Variants in ARHGEF10 observed in about 807,000 individuals in gnomAD.
ARHGEF10 encodes the protein Rho guanine nucleotide exchange factor (GEF) 10.
A neutral mutation model predicts 147.4 loss-of-function variants in ARHGEF10; 140 were observed. The ratio of observed to expected loss-of-function variants is 0.95; its 90% CI spans 0.83 to 1.09. The LOEUF is 1.09. ARHGEF10 is among the 50% of genes least tolerant of loss of function. ARHGEF10 has a pLI of 0.00. For missense variants in ARHGEF10, 2,222 were observed against 1,752.7 expected (o/e 1.27, Z -4.78); for synonymous variants, 902 against 695.8 (o/e 1.30, Z -4.67).
chr8:1,839,694 C>A (rs1416337123), intron 1 of ARHGEF10, among the ~76,000 whole-genome samples: 1 of 135,524 alleles, frequency 7.4e-6, no homozygotes, highest in Non-Finnish European at 1.6e-5. Context: ...TGGGGACTGT[C>A]CGGTGTGGGG....
chr8:1,882,701 G>T lies in ARHGEF10; in HGVS notation c.1027G>T (p.Val343Leu), dbSNP rs757297997. The T allele has an allele frequency of 1.9e-6, 3 of 1,556,822 alleles. No homozygotes were observed. The highest frequency in any genetic ancestry group is 2.6e-6 in the Non-Finnish European group (3 of 1,149,542). The change falls in exon 10 of 29, where the codon GTG (valine) becomes TTG (leucine). Residue 343 changes from valine to leucine, a missense_variant. Transcript: ENST00000349830. ...KDGLERTRAA[V>L]KRGRSFIRTK... ...CGGGCTGGAGAGGACCAGGGCAGCCGTGAAGAGGGGCCGCTCCTTCATCAG... is the reference window on the plus strand; with the variant it reads ...CGGGCTGGAGAGGACCAGGGCAGCCTTGAAGAGGGGCCGCTCCTTCATCAG...
chr8:1,899,958 T>A (rs1378933109), intron 15 of ARHGEF10, among the ~76,000 whole-genome samples: 1 of 152,200 alleles, frequency 6.6e-6, no homozygotes, highest in African/African-American at 2.4e-5. Flanking sequence ...CCAGCCCACA[T>A]GCCCTGTGTT....
At chr8:1,920,678 G>T (rs561408768) in intron 18 of ARHGEF10, among the ~76,000 whole-genome samples, 1 of 152,106 alleles carries the variant, frequency 6.6e-6, no homozygotes, top group Non-Finnish European at 1.5e-5. Flanking sequence ...CAAAGTTTGC[G>T]AATGAAAGCA....
At chr8:1,923,390 A>C in intron 19 of ARHGEF10, 78 bp from the exon 20 acceptor site, 1 of 1,591,288 alleles carries the variant, frequency 6.3e-7, no homozygotes, top group South Asian at 1.1e-5. Context: ...TCATATTAAA[A>C]TTGTGTCTTT....
chr8:1,845,659 A>G (rs56084876), intron 2 of ARHGEF10, among the ~76,000 whole-genome samples: 20,751 of 152,112 alleles, frequency 0.14, 1,738 homozygotes, highest in African/African-American at 0.24. Flanking sequence ...TATCTCCAGC[A>G]TTTGCTGACG....
Position 1,885,638 on chromosome 8 carries a change from C to T in ARHGEF10, c.1113C>T (p.Phe371=), listed in dbSNP as rs34655804. 8.4e-3 allele frequency: 13,553 copies of T among 1,613,664 alleles called. 962 individuals are homozygous for T. The African/African-American group carries it at 0.16, about 18-fold the overall frequency. Residue 371 remains phenylalanine, a synonymous_variant, in exon 11 of 29, where the codon TTC becomes TTT. Coordinates refer to ENST00000349830, the MANE Select transcript of ARHGEF10 (RefSeq NM_014629.4). ...CTCTTGAGGAAGAACAGAATTTGTT[C>T]ATTGATGTTGACTGCAAGCACCCGG... ...RSSLEEEQNL[F]IDVDCKHPEA...
chr8:1,854,816 G>A (rs1257951828), intron 2 of ARHGEF10, among the ~76,000 whole-genome samples: 5 of 152,140 alleles, frequency 3.3e-5, no homozygotes, highest in Non-Finnish European at 5.9e-5. Context: ...ACACATTGCC[G>A]CCAACCAGGT....
At chr8:1,830,988 C>T (rs1422375360) in intron 1 of ARHGEF10, among the ~76,000 whole-genome samples, 2 of 152,246 alleles carry the variant, frequency 1.3e-5, no homozygotes, top group Admixed American at 6.5e-5. Context: ...TGTCCAGGAA[C>T]AGCAGGTCGG....
chr8:1,908,465 C>T (rs568551002), intron 17 of ARHGEF10, among the ~76,000 whole-genome samples: 33 of 152,224 alleles, frequency 2.2e-4, no homozygotes, highest in African/African-American at 6.5e-4. Context: ...ATCTCCTGAC[C>T]TTGTGATCTG....
intron 7 of ARHGEF10, among the ~76,000 whole-genome samples, chr8:1,874,605 G>A (rs1397758475): frequency 6.6e-6 from 1 of 152,242 alleles, no homozygotes; most frequent in African/African-American, 2.4e-5. Flanking sequence ...ATACCGGGGT[G>A]TGTAGCGGGT....
Position 1,876,586 on chromosome 8 carries a change from A to T in ARHGEF10, c.695A>T (p.Asp232Val). The T allele has an allele frequency of 1.2e-6, 2 of 1,614,176 alleles. No individual in the cohort carries two copies. The highest frequency in any genetic ancestry group is 2.2e-5 in the South Asian group (2 of 91,084). Residue 232 changes from aspartate (D) to valine (V), a missense_variant, in exon 8 of 29, where the codon GAT (aspartate) becomes GTT (valine). Coordinates refer to ENST00000349830, the MANE Select transcript of ARHGEF10 (RefSeq NM_014629.4). ...SDSEPDEMIY[D>V]DVENGDEGGN... Reference sequence around the variant, plus strand: ...ATGCACTCAGATGAAATGATTTATGATGATGTTGAGAATGGGGATGAAGGT... The same window carrying T: ...ATGCACTCAGATGAAATGATTTATGTTGATGTTGAGAATGGGGATGAAGGT...
At chr8:1,828,947 C>T (rs1273366895) in intron 1 of ARHGEF10, among the ~76,000 whole-genome samples, 2 of 151,982 alleles carry the variant, frequency 1.3e-5, no homozygotes, top group African/African-American at 2.4e-5. Flanking sequence ...GTCTGATTTT[C>T]TGTAAGGAAC....
intron 2 of ARHGEF10, 98 bp from the exon 3 acceptor site, chr8:1,857,862 G>C (rs1805676215): frequency 8.6e-7 from 1 of 1,160,840 alleles, no homozygotes; most frequent in Admixed American, 2.0e-5. Context: ...AGTGTCTCTG[G>C]CTAACATAGA....
intron 21 of ARHGEF10, 58 bp from the exon 22 acceptor site, chr8:1,925,225 G>C: frequency 1.2e-6 from 2 of 1,611,998 alleles, no homozygotes; most frequent in Non-Finnish European, 1.7e-6. Context: ...TGGAGCTGCA[G>C]GTCTTTGCAT....
In ARHGEF10 at chr8:1,869,269, T is replaced by C. The variant is rs1207029719; in HGVS notation, c.679+19T>C. On this transcript the variant is annotated intron_variant, in intron 7 of 28. Coordinates refer to ENST00000349830, the MANE Select transcript of ARHGEF10 (RefSeq NM_014629.4). ...GAACCAGGTTTGATTTTGTCTGGAATTGATTTGAGGAGATTCAGCTCAGCA... is the reference window on the plus strand; with the variant it reads ...GAACCAGGTTTGATTTTGTCTGGAACTGATTTGAGGAGATTCAGCTCAGCA... 1.2e-6 allele frequency: 2 copies of C among 1,610,998 alleles called. No individual in the cohort carries two copies. Among genetic ancestry groups the C allele is most frequent in the African/African-American group, 1.3e-5 (1 of 75,000 alleles).
chr8:1,938,742 C>A (rs1813826923), intron 26 of ARHGEF10, among the ~76,000 whole-genome samples: 1 of 152,094 alleles, frequency 6.6e-6, no homozygotes, highest in Admixed American at 6.5e-5. Flanking sequence ...TCAAGGCCAG[C>A]CTGGGCAGCA....
intron 15 of ARHGEF10, among the ~76,000 whole-genome samples, chr8:1,900,166 T>A (rs1028676157): frequency 6.6e-6 from 1 of 152,188 alleles, no homozygotes; most frequent in African/African-American, 2.4e-5. Context: ...AGTAAGTAAC[T>A]ACAAGTAAGT....
chr8:1,882,861 G>A (rs1253667822), intron 10 of ARHGEF10, 112 bp downstream of exon 10: 2 of 920,414 alleles, frequency 2.2e-6, no homozygotes, highest in East Asian at 5.2e-5. Context: ...CACAGCCTTA[G>A]GGAGCACCAG....
chr8:1,885,538 A>T, intron 10 of ARHGEF10, 63 bp from the exon 11 acceptor site: 1 of 1,152,282 alleles, frequency 8.7e-7, no homozygotes, highest in Non-Finnish European at 1.3e-6. Flanking sequence ...TTTTTACTGT[A>T]CTGTAGTGTT....
Sources: gnomAD v4.1 joint callset for allele counts (sites outside exome capture counted in the v4.1 genomes callset) on GRCh38, gnomAD v4.1.1 for gene constraint, MANE v1.5 for transcripts, NCBI Gene and HGNC (gene_info 2026-07-23, HGNC 2026-07-21) for gene names.